The following PHIP variants were observed in gnomAD, a reference collection of about 807,000 sequenced individuals.
PHIP encodes the protein PH-interacting protein.
PHIP carries 54 observed loss-of-function variants against 236.8 expected under a neutral mutation model. That is an observed-to-expected ratio of 0.23 (90% CI 0.18 to 0.29). PHIP has a LOEUF of 0.29. Ranked by LOEUF, PHIP falls within the 10% of genes least tolerant of loss-of-function variation. PHIP has a pLI of 1.00. For missense variants in PHIP, 1,370 were observed against 2,190.8 expected, an observed-to-expected ratio of 0.63 and a Z score of 7.48; for synonymous variants, 756 against 718.9, an observed-to-expected ratio of 1.05 and a Z score of -0.83.
chr6:79,062,291 C>A (rs1230838481), intron 4 of PHIP, among the ~76,000 whole-genome samples: 3 of 152,100 alleles, frequency 2.0e-5, no homozygotes, highest in African/African-American at 7.2e-5. Context: ...CATATTCACT[C>A]AGAACATACT....
intron 35 of PHIP, among the ~76,000 whole-genome samples, chr6:78,952,687 A>G (rs1365372803): frequency 4.6e-5 from 7 of 152,142 alleles, no homozygotes; most frequent in Non-Finnish European, 7.4e-5. Flanking sequence ...AAAACTGTCC[A>G]GTAAGTTTAA....
chr6:79,008,642 A>T (rs1770422735), intron 15 of PHIP, among the ~76,000 whole-genome samples: 1 of 152,010 alleles, frequency 6.6e-6, no homozygotes. Flanking sequence ...CCCAAAGTTT[A>T]CTTCTAAGCC....
chr6:79,018,049 T>C (rs1418683515), intron 10 of PHIP, among the ~76,000 whole-genome samples: 5 of 152,052 alleles, frequency 3.3e-5, no homozygotes, highest in Non-Finnish European at 5.9e-5. Flanking sequence ...CTTTGTTTTG[T>C]AGCATATTCA....
chr6:78,963,128 A>G lies in PHIP; in HGVS notation c.3504T>C (p.Ile1168=). ...TCATCAACTGGTTTATTCCTGCCACAATTCTTTCACATTCTTCATCCCTGG... is the reference window on the plus strand; with the variant it reads ...TCATCAACTGGTTTATTCCTGCCACGATTCTTTCACATTCTTCATCCCTGG... ...TNPRDEECER[I]VAGINQLMTL... is the part of the protein sequence containing the mutation. Residue 1168 remains isoleucine (I), a synonymous_variant, in exon 30 of 40, where the codon ATT becomes ATC. Coordinates refer to ENST00000275034, the MANE Select transcript of PHIP (RefSeq NM_017934.7). 6.2e-7 allele frequency: 1 copy of G among 1,607,380 alleles called. No homozygotes were observed. Among genetic ancestry groups the G allele is most frequent in the African/African-American group, 1.3e-5 (1 of 74,628 alleles).
chr6:78,943,158 T>C (rs1171838797), intron 39 of PHIP, among the ~76,000 whole-genome samples: 2 of 152,164 alleles, frequency 1.3e-5, no homozygotes, highest in Non-Finnish European at 2.9e-5. Flanking sequence ...TTACTGAACA[T>C]GGTGAGTACA....
At chr6:78,953,775 G>A (rs918322203) in intron 35 of PHIP, among the ~76,000 whole-genome samples, 23 of 152,046 alleles carry the variant, frequency 1.5e-4, no homozygotes, top group Non-Finnish European at 2.9e-4. Flanking sequence ...TAGTAGAGAC[G>A]GGATTTTACC....
rs1768989883 is a variant in PHIP, at chr6:78,988,281, A to G, written c.2388T>C (p.Tyr796=). ...TCTCTTCCAATGCAGATCTTGTACGATAATTGTGTTGATTTGTCTGTTGCT... is the reference window on the plus strand; with the variant it reads ...TCTCTTCCAATGCAGATCTTGTACGGTAATTGTGTTGATTTGTCTGTTGCT... The part of the protein sequence containing the change: ...SKKQQTNQHN[Y]RTRSALEETP... The change falls in exon 21 of 40, where the codon TAT becomes TAC. Residue 796 remains tyrosine (Y), a synonymous_variant. Coordinates refer to ENST00000275034, the MANE Select transcript of PHIP (RefSeq NM_017934.7). The G allele has an allele frequency of 1.2e-6, 2 of 1,608,372 alleles. No individual in the cohort carries two copies. Among genetic ancestry groups the G allele is most frequent in the African/African-American group, 1.3e-5 (1 of 74,906 alleles).
At chr6:78,960,213 G>A (rs1460960508) in intron 31 of PHIP, among the ~76,000 whole-genome samples, 1 of 152,146 alleles carries the variant, frequency 6.6e-6, no homozygotes, top group African/African-American at 2.4e-5. Context: ...CAAACCTTAT[G>A]TATAGTATAC....
intron 4 of PHIP, among the ~76,000 whole-genome samples, chr6:79,072,833 C>T (rs1030365981): frequency 1.3e-5 from 2 of 151,992 alleles, no homozygotes; most frequent in Non-Finnish European, 2.9e-5. Context: ...CATACTTGTG[C>T]CTGGAATAAA....
chr6:78,997,633 G>A (rs764609791), intron 18 of PHIP, 36 bp from the exon 19 acceptor site: 43 of 1,489,810 alleles, frequency 2.9e-5, no homozygotes, highest in Non-Finnish European at 3.5e-5. Context: ...GTTCTACTTA[G>A]AGATATTTCT....
At chr6:79,006,027 A>G (rs188736176) in intron 15 of PHIP, among the ~76,000 whole-genome samples, 1 of 152,192 alleles carries the variant, frequency 6.6e-6, no homozygotes, top group East Asian at 1.9e-4. Context: ...GCAAGACAGT[A>G]TTAATTTTCT....
At chr6:79,056,189 A>G (rs180895411) in intron 6 of PHIP, among the ~76,000 whole-genome samples, 2 of 152,362 alleles carry the variant, frequency 1.3e-5, no homozygotes, top group East Asian at 3.9e-4. Context: ...AATAGTAGAG[A>G]TAAGTAAAAC....
intron 35 of PHIP, among the ~76,000 whole-genome samples, chr6:78,952,422 A>C (rs1277600941): frequency 7.1e-6 from 1 of 140,178 alleles, no homozygotes; most frequent in Non-Finnish European, 1.6e-5. Flanking sequence ...TGTCCCAAAA[A>C]AAAAAGAAAA....
intron 24 of PHIP, among the ~76,000 whole-genome samples, chr6:78,975,071 AAAAGATAATTTT>A (rs1416677127): frequency 6.6e-6 from 1 of 151,538 alleles, no homozygotes; most frequent in African/African-American, 2.4e-5. Context: ...ACACAACCAA[AAAAGATAATTTT>A]AGACCAATAT....
intron 35 of PHIP, among the ~76,000 whole-genome samples, chr6:78,951,925 T>C (rs28623652): frequency 0.012 from 1,774 of 152,282 alleles, 44 homozygotes; most frequent in African/African-American, 0.041. Context: ...AATCTTAGAG[T>C]GATGAGTATC....
rs1348119198 is a variant in PHIP at position 79,033,996 on chromosome 6, TA to T, written c.601-7833del. ...CAATCAGAACACATGCAACATTCATTAAGTTCGCCATAAGGGTGCAGGTCAT... is the reference window on the plus strand; with the variant it reads ...CAATCAGAACACATGCAACATTCATTAGTTCGCCATAAGGGTGCAGGTCAT... On this transcript the variant is annotated intron_variant, in intron 7 of 39. Transcript: ENST00000275034. 3.9e-5 allele frequency among the ~76,000 whole-genome samples: 6 copies of T among 152,258 alleles called. No homozygotes were observed. In the East Asian group the frequency reaches 1.2e-3, roughly 29 times the overall value.
At chr6:78,959,285 T>C (rs1206112429) in intron 31 of PHIP, among the ~76,000 whole-genome samples, 2 of 152,126 alleles carry the variant, frequency 1.3e-5, no homozygotes, top group Admixed American at 6.6e-5. Context: ...TAGAAAATCT[T>C]ACTGATTGTG....
chr6:78,956,543 C>CTA (rs1431389963), intron 32 of PHIP: 1 of 152,134 alleles, frequency 6.6e-6, no homozygotes, highest in Non-Finnish European at 1.5e-5. Flanking sequence ...CCCTTGCTCT[C>CTA]AGAGCTTATA....
chr6:79,003,450 C>T (rs1344079262), intron 16 of PHIP, among the ~76,000 whole-genome samples: 1 of 151,958 alleles, frequency 6.6e-6, no homozygotes. Flanking sequence ...AGTTTATATA[C>T]CCCAAGTTAA....
Sources: gnomAD v4.1 joint callset for allele counts (sites outside exome capture counted in the v4.1 genomes callset) on GRCh38, gnomAD v4.1.1 for gene constraint, MANE v1.5 for transcripts, NCBI Gene and HGNC (gene_info 2026-07-23, HGNC 2026-07-21) for gene names.